KCNQ3: variants seen among roughly 807,000 people sequenced by gnomAD.
KCNQ3 encodes the protein potassium voltage-gated channel subfamily KQT member 3.
A neutral mutation model predicts 92.5 loss-of-function variants in KCNQ3; 30 were observed. The observed-to-expected ratio is 0.32, with a 90% CI of 0.24 to 0.44. KCNQ3 has a LOEUF of 0.44. Ranked by LOEUF, KCNQ3 falls within the 20% of genes least tolerant of loss-of-function variation. KCNQ3 has a pLI of 1.00. For missense variants in KCNQ3, 913 were observed against 1,140.3 expected (o/e 0.80, Z 2.87); for synonymous variants, 450 against 468.8 (o/e 0.96, Z 0.52).
intron 1 of KCNQ3, among the ~76,000 whole-genome samples, chr8:132,425,626 G>A (rs1821089988): frequency 6.6e-6 from 1 of 152,214 alleles, no homozygotes; most frequent in South Asian, 2.1e-4. Context: ...GGTGTAAACA[G>A]TAGTTATATA....
At chr8:132,208,413 A>G (rs1369440323) in intron 1 of KCNQ3, among the ~76,000 whole-genome samples, 4 of 152,086 alleles carry the variant, frequency 2.6e-5, no homozygotes, top group African/African-American at 7.2e-5. Flanking sequence ...CACTTAACTT[A>G]GGGGAAAGAA....
chr8:132,151,875 TACAATC>T (rs1384795734), intron 9 of KCNQ3, among the ~76,000 whole-genome samples: 2 of 152,254 alleles, frequency 1.3e-5, no homozygotes, highest in African/African-American at 2.4e-5. Context: ...TACAGTGGTA[TACAATC>T]TTCTTTAGGC....
chr8:132,451,202 T>A (rs1821811483), intron 1 of KCNQ3, among the ~76,000 whole-genome samples: 1 of 152,238 alleles, frequency 6.6e-6, no homozygotes. Context: ...CCCCTGCACA[T>A]GCTGTCTTGC....
At chr8:132,177,541 C>T (rs914716929) in intron 4 of KCNQ3, among the ~76,000 whole-genome samples, 10 of 152,264 alleles carry the variant, frequency 6.6e-5, no homozygotes, top group East Asian at 3.9e-4. Flanking sequence ...TAATTCAAGA[C>T]GAAAGGGGCC....
intron 1 of KCNQ3, among the ~76,000 whole-genome samples, chr8:132,302,899 T>A (rs1817266574): frequency 1.3e-5 from 2 of 152,222 alleles, no homozygotes; most frequent in South Asian, 4.1e-4. Flanking sequence ...GGCTGTTTTA[T>A]AAGCTGCTCA....
chr8:132,339,849 G>A (rs1248518594), intron 1 of KCNQ3, among the ~76,000 whole-genome samples: 2 of 151,940 alleles, frequency 1.3e-5, no homozygotes, highest in Non-Finnish European at 2.9e-5. Flanking sequence ...GAACAGAGAT[G>A]GGGTAGCTTT....
chr8:132,345,609 A>G (rs1389741939), intron 1 of KCNQ3, among the ~76,000 whole-genome samples: 1 of 152,260 alleles, frequency 6.6e-6, no homozygotes, highest in African/African-American at 2.4e-5. Flanking sequence ...TGGTTTGAAT[A>G]CTGTCTTGAT....
At chr8:132,140,543 T>G (rs1028052819) in intron 10 of KCNQ3, 3 of 260,960 alleles carry the variant, frequency 1.1e-5, no homozygotes, top group Non-Finnish European at 2.2e-5. Flanking sequence ...GCTGGGACTT[T>G]TGCTCTGTCA....
At chr8:132,439,826 A>G (rs886183096) in intron 1 of KCNQ3, among the ~76,000 whole-genome samples, 12 of 152,174 alleles carry the variant, frequency 7.9e-5, no homozygotes, top group African/African-American at 7.2e-5. Context: ...TGGACTTCTG[A>G]CCTTCAGACA....
intron 1 of KCNQ3, among the ~76,000 whole-genome samples, chr8:132,338,003 G>T (rs1380711720): frequency 6.6e-6 from 1 of 152,158 alleles, no homozygotes; most frequent in Non-Finnish European, 1.5e-5. Flanking sequence ...GGCTACATAG[G>T]GATGGGCTGG....
Position 132,339,301 on chromosome 8 carries a change from G to A in KCNQ3, c.386+140846C>T, listed in dbSNP as rs147123862. On this transcript the variant is annotated intron_variant, in intron 1 of 14. Coordinates refer to ENST00000388996, the MANE Select transcript of KCNQ3 (RefSeq NM_004519.4). The stretch of plus-strand genomic sequence containing the variant: ...TTTAACTTCTTCTGTTCATTAATCC[G>A]TTACTCATTTATTCATTCATTCCAC... Among the ~76,000 whole-genome samples the A allele has an allele frequency of 1.9e-3, 290 of 152,170 alleles. 2 individuals carry two copies. The highest frequency in any genetic ancestry group is 6.7e-3 in the African/African-American group (278 of 41,494).
intron 1 of KCNQ3, among the ~76,000 whole-genome samples, chr8:132,379,873 G>A (rs1819699196): frequency 6.6e-6 from 1 of 150,498 alleles, no homozygotes; most frequent in Non-Finnish European, 1.5e-5. Flanking sequence ...AAGCTCCTGA[G>A]GAAATCTTGG....
intron 1 of KCNQ3, among the ~76,000 whole-genome samples, chr8:132,194,371 T>C (rs1827247043): frequency 6.6e-6 from 1 of 152,198 alleles, no homozygotes; most frequent in Non-Finnish European, 1.5e-5. Flanking sequence ...CCTCAGATGT[T>C]AAAGCACCCA....
At chr8:132,172,134 C>A (rs1369328378) in intron 7 of KCNQ3, among the ~76,000 whole-genome samples, 1 of 151,924 alleles carries the variant, frequency 6.6e-6, no homozygotes, top group Admixed American at 6.6e-5. Context: ...CTGCAGTGAG[C>A]TATGATCGCA....
chr8:132,331,129 C>G (rs1315370657), intron 1 of KCNQ3, among the ~76,000 whole-genome samples: 1 of 152,174 alleles, frequency 6.6e-6, no homozygotes, highest in East Asian at 1.9e-4. Flanking sequence ...GAACCAGGCA[C>G]TGTCCTGTGC....
At chr8:132,211,347 T>A (rs184225556) in intron 1 of KCNQ3, among the ~76,000 whole-genome samples, 2 of 152,248 alleles carry the variant, frequency 1.3e-5, no homozygotes, top group Non-Finnish European at 2.9e-5. Flanking sequence ...TGAGCTATTT[T>A]ACAACTCTGT....
At chr8:132,213,624 T>C (rs1813936509) in intron 1 of KCNQ3, among the ~76,000 whole-genome samples, 1 of 152,186 alleles carries the variant, frequency 6.6e-6, no homozygotes. Context: ...CCTTGTTCTG[T>C]TCCTCCCTGG....
intron 1 of KCNQ3, among the ~76,000 whole-genome samples, chr8:132,430,344 G>A (rs1821215951): frequency 6.6e-6 from 1 of 152,188 alleles, no homozygotes; most frequent in South Asian, 2.1e-4. Flanking sequence ...ATTCTCACAA[G>A]CAGGCCCTTC....
At chr8:132,187,115 G>T in intron 1 of KCNQ3, 2 of 454,892 alleles carry the variant, frequency 4.4e-6, no homozygotes, top group Non-Finnish European at 8.8e-6. Context: ...ATAAGCTAGG[G>T]TTTATGGGTG....
Sources: gnomAD v4.1 joint callset for allele counts (sites outside exome capture counted in the v4.1 genomes callset) on GRCh38, gnomAD v4.1.1 for gene constraint, MANE v1.5 for transcripts, NCBI Gene and HGNC (gene_info 2026-07-23, HGNC 2026-07-21) for gene names.